Variants in ARHGEF10L observed in about 807,000 individuals in gnomAD.
The protein encoded by ARHGEF10L is Rho guanine nucleotide exchange factor 10 like.
In ARHGEF10L, 69 loss-of-function variants were observed where a neutral mutation model predicts 141.2. The observed-to-expected ratio is 0.49, with a 90% CI of 0.40 to 0.60. The LOEUF is 0.60. Ranked by LOEUF, ARHGEF10L falls within the 20% of genes least tolerant of loss-of-function variation. The probability of loss-of-function intolerance (pLI) is 0.00; values close to 1 mark genes in which losing one functional copy is unlikely to be tolerated. For missense variants in ARHGEF10L, 1,482 were observed against 1,734.3 expected, an observed-to-expected ratio of 0.85 and a Z score of 2.58; for synonymous variants, 711 against 718.5, an observed-to-expected ratio of 0.99 and a Z score of 0.17.
chr1:17,566,545 G>C (rs538734285), intron 1 of ARHGEF10L, among the ~76,000 whole-genome samples: 2 of 152,252 alleles, frequency 1.3e-5, no homozygotes, highest in Non-Finnish European at 2.9e-5. Flanking sequence ...CTTGGAGGCT[G>C]TGCACCTTGC....
chr1:17,639,847 C>T lies in ARHGEF10L; in HGVS notation c.2172-355C>T. 1 of 1,360,098 alleles carries T rather than the reference C, an allele frequency of 7.4e-7. No individual in the cohort carries two copies. 84.3% of individuals were successfully genotyped at this position (1,360,098 alleles called of 1,614,324 possible). ...CTCCCTCTAGAGGCACGTGGTCAGACATGTAAGGTGTCTAAGACCTGTGGA... is the reference window on the plus strand; with the variant it reads ...CTCCCTCTAGAGGCACGTGGTCAGATATGTAAGGTGTCTAAGACCTGTGGA... On this transcript the variant is annotated intron_variant, in intron 20 of 28. Coordinates refer to ENST00000361221, the MANE Select transcript of ARHGEF10L (RefSeq NM_018125.4). The surrounding 1 kb of genome is among the most constrained non-coding windows in gnomAD (Gnocchi z 4.3).
intron 25 of ARHGEF10L, among the ~76,000 whole-genome samples, chr1:17,660,685 C>A (rs1327625026): frequency 6.6e-6 from 1 of 152,234 alleles, no homozygotes; most frequent in African/African-American, 2.4e-5. Flanking sequence ...GGGATGCCAG[C>A]CTCCTGAAGG....
At chr1:17,595,615 G>T (rs1015310175) in intron 4 of ARHGEF10L, among the ~76,000 whole-genome samples, 1 of 152,156 alleles carries the variant, frequency 6.6e-6, no homozygotes, top group Non-Finnish European at 1.5e-5. Context: ...GTGTGGGGTG[G>T]CACAGGAGAG....
intron 2 of ARHGEF10L, among the ~76,000 whole-genome samples, chr1:17,584,910 C>T (rs2078899089): frequency 6.6e-6 from 1 of 152,108 alleles, no homozygotes; most frequent in Admixed American, 6.5e-5. Context: ...GTAACTGAAA[C>T]AGAAGTGTCA....
chr1:17,593,102 G>T (rs2079719404), intron 4 of ARHGEF10L, among the ~76,000 whole-genome samples: 1 of 152,132 alleles, frequency 6.6e-6, no homozygotes. Flanking sequence ...GAAGGCACTT[G>T]CAGGGTACCT....
intron 4 of ARHGEF10L, among the ~76,000 whole-genome samples, chr1:17,598,676 C>CT (rs572103472): frequency 1.9e-4 from 29 of 152,170 alleles, no homozygotes; most frequent in African/African-American, 7.0e-4. Context: ...AACACATGGA[C>CT]TTTTTTTGTC....
At chr1:17,575,192 A>G (rs1460105763) in intron 1 of ARHGEF10L, among the ~76,000 whole-genome samples, 6 of 152,196 alleles carry the variant, frequency 3.9e-5, no homozygotes, top group Admixed American at 3.9e-4. Flanking sequence ...GGCAACAGTT[A>G]TAATGGGGCT....
chr1:17,519,916 G>A, the ARHGEF10L span, among the ~76,000 whole-genome samples: 42 of 152,178 alleles, frequency 2.8e-4, no homozygotes, highest in East Asian at 6.9e-3. Context: ...TGGAGAGGGC[G>A]GGGATTGGCA....
At chr1:17,565,729 C>T (rs567556579) in intron 1 of ARHGEF10L, among the ~76,000 whole-genome samples, 8 of 152,150 alleles carry the variant, frequency 5.3e-5, no homozygotes, top group Non-Finnish European at 1.0e-4. Flanking sequence ...CTCCTGGCCT[C>T]GGAGAGCTCG....
chr1:17,694,793 C>G (rs2065366986), intron 27 of ARHGEF10L: 1 of 397,336 alleles, frequency 2.5e-6, no homozygotes, highest in African/African-American at 2.1e-5. Flanking sequence ...AGCTGGCTGG[C>G]TGGATCCCTG....
At chr1:17,669,165 C>T (rs1034658158) in intron 26 of ARHGEF10L, among the ~76,000 whole-genome samples, 1 of 152,188 alleles carries the variant, frequency 6.6e-6, no homozygotes, top group Non-Finnish European at 1.5e-5. Context: ...GAGAAAACCC[C>T]CTATGGGGTT....
At chr1:17,553,259 G>T (rs920907136) in intron 1 of ARHGEF10L, among the ~76,000 whole-genome samples, 3 of 152,178 alleles carry the variant, frequency 2.0e-5, no homozygotes, top group Non-Finnish European at 4.4e-5. Context: ...ATTTCACTTT[G>T]CCCCCTGCCT....
rs763093610 is a variant in ARHGEF10L, at chr1:17,616,157, G to T, written c.790G>T (p.Ala264Ser). ...GGATGGGCTGGAGAAGACACGGATG[G>T]CCGTGATGCGCAAAGTCTCCTTCCT... ...TKDGLEKTRM[A>S]VMRKVSFLHR... The change falls in exon 9 of 29, where the codon GCC becomes TCC. Residue 264 changes from alanine to serine, a missense_variant. By Grantham distance (99) the Ala-to-Ser change is moderately conservative. This residue lies in a region of ARHGEF10L where 392 missense variants were observed against 542.1 expected (regional missense o/e 0.72). Transcript: ENST00000361221. 1.2e-6 allele frequency: 2 copies of T among 1,613,618 alleles called. No individual in the cohort carries two copies. The highest frequency in any genetic ancestry group is 1.7e-5 in the Admixed American group (1 of 60,010).
Position 17,661,329 on chromosome 1 carries a change from C to T in ARHGEF10L, c.2861-3118C>T, listed in dbSNP as rs577527925. Among the ~76,000 whole-genome samples the T allele has an allele frequency of 5.9e-5, 9 of 152,348 alleles. No individual in the cohort carries two copies. The South Asian group carries it at 1.7e-3, about 28-fold the overall frequency. On this transcript the variant is annotated intron_variant, in intron 25 of 28. Transcript: ENST00000361221. ...CCAACCTCAGGTGATCCGGCCGCCC[C>T]GGCCTCCCAAAGTGTTGGGATTACA...
the ARHGEF10L span, among the ~76,000 whole-genome samples, chr1:17,520,757 G>T: frequency 3.3e-5 from 5 of 152,340 alleles, no homozygotes; most frequent in South Asian, 2.1e-4. Flanking sequence ...GCGTGTGTAG[G>T]GGGGACTTCC....
rs2078106223 is a variant in ARHGEF10L, at chr1:17,573,776, T to C, written c.-43-6777T>C. ...CCTACTCCCAGGGCCCCCTCCCCAG[T>C]GCTCCCCACTCTTCCTGCCTGCAGA... is the stretch of plus-strand genomic sequence containing the variant. On this transcript the variant is annotated intron_variant, in intron 1 of 28. Transcript: ENST00000361221. The surrounding 1 kb of genome is among the most constrained non-coding windows in gnomAD (Gnocchi z 4.8). Among the ~76,000 whole-genome samples the C allele has an allele frequency of 1.3e-5, 2 of 151,662 alleles. No homozygotes were observed. The highest frequency in any genetic ancestry group is 2.9e-5 in the Non-Finnish European group (2 of 67,854).
intron 16 of ARHGEF10L, 83 bp from the exon 17 acceptor site, chr1:17,634,465 T>TGGCCCCCAGCGGGGTCAC (rs2060881070): frequency 6.2e-7 from 1 of 1,608,880 alleles, no homozygotes; most frequent in African/African-American, 1.3e-5. Flanking sequence ...GCCCCATGGC[T>TGGCCCCCAGCGGGGTCAC]GGCCCCCAGC....
intron 1 of ARHGEF10L, among the ~76,000 whole-genome samples, chr1:17,549,558 G>A (rs1288459206): frequency 6.6e-6 from 1 of 152,072 alleles, no homozygotes; most frequent in Non-Finnish European, 1.5e-5. Context: ...TGACAAGCAG[G>A]AGCTCCCCCT....
Position 17,656,019 on chromosome 1 carries a change from GGAGAGCAGAGAC to G in ARHGEF10L, c.2629_2640del (p.Arg877_Ser880del). 1 of 1,572,656 alleles carries G rather than the reference GGAGAGCAGAGAC, an allele frequency of 6.4e-7. No homozygotes were observed. Among genetic ancestry groups the G allele is most frequent in the Non-Finnish European group, 8.6e-7 (1 of 1,158,220 alleles). ...ATATCCCGGAGCTGGAGGAGGAGGC[GGAGAGCAGAGAC>G]GAGAGCCCGACAGTTGCTGACCCCT... On this transcript the variant is annotated inframe_deletion, in exon 24 of 29. Transcript: ENST00000361221. This position sits in a 1 kb window ranked among gnomAD's most constrained non-coding sequence, Gnocchi z 4.9.
Sources: allele counts gnomAD v4.1 joint callset (sites outside exome capture counted in the v4.1 genomes callset), GRCh38; gene constraint gnomAD v4.1.1; regional missense constraint gnomAD v4.1.1; non-coding constraint Gnocchi (gnomAD v3.1); transcripts MANE v1.5; gene names NCBI Gene and HGNC (gene_info 2026-07-23, HGNC 2026-07-21).